The following CFAP47 variants were observed in gnomAD, a reference collection of about 807,000 sequenced individuals.
CFAP47 encodes cilia- and flagella-associated protein 47.
CFAP47 carries 29 observed loss-of-function variants against 148.1 expected under a neutral mutation model. That is an observed-to-expected ratio of 0.20 (90% CI 0.15 to 0.27). CFAP47 has a LOEUF of 0.27. CFAP47 is among the 10% of genes least tolerant of loss of function. The pLI is 1.00. For synonymous variants in CFAP47, 664 were observed against 577.3 expected (o/e 1.15, Z -2.15); for missense variants, 1,872 against 1,697.5 (o/e 1.10, Z -1.81).
intron 33 of CFAP47, among the ~76,000 whole-genome samples, chrX:36,133,467 C>T (rs1282749167): frequency 4.5e-5 from 5 of 110,335 alleles, no homozygotes; most frequent in African/African-American, 1.6e-4. Context: ...TTATAGTAGG[C>T]ATCCCATAGC....
intron 22 of CFAP47, among the ~76,000 whole-genome samples, chrX:36,015,403 A>G (rs1601931972): frequency 1.8e-5 from 2 of 111,142 alleles, no homozygotes; most frequent in East Asian, 5.6e-4. Flanking sequence ...AAAGATAAAA[A>G]CTGATGTACT....
rs1941878686 is a variant in CFAP47, at chrX:36,366,549, A to G, written c.9024-417A>G. Among the ~76,000 whole-genome samples the G allele has an allele frequency of 2.7e-5, 3 of 111,784 alleles. No homozygotes were observed. In the Admixed American group the frequency reaches 2.9e-4, roughly 11 times the overall value. Reference sequence around the variant, plus strand: ...AAACGAGTTGAAAATACTTTCGCATAATGTTTCATTTTTGAAAAAAATCCC... The same window carrying G: ...AAACGAGTTGAAAATACTTTCGCATGATGTTTCATTTTTGAAAAAAATCCC... On this transcript the variant is annotated intron_variant, in intron 61 of 63. Transcript: ENST00000378653.
At chrX:36,262,072 AT>A (rs1251603134) in intron 49 of CFAP47, among the ~76,000 whole-genome samples, 1 of 111,707 alleles carries the variant, frequency 9.0e-6, no homozygotes, top group South Asian at 3.7e-4. Context: ...TTTCTTTTAA[AT>A]TTTTTTATTT....
rs750139860 is a variant in CFAP47, at chrX:36,071,948, C to T, written c.4442C>T (p.Pro1481Leu). 23 of 1,202,435 alleles carry T rather than the reference C, an allele frequency of 1.9e-5. No individual in the cohort carries two copies. The highest frequency in any genetic ancestry group is 2.5e-5 in the Non-Finnish European group (22 of 891,761). ...ACTAGCAAATTCAATGATGCTGAAC[C>T]TGCAAAGGGAAACTTATTTATTGGT... ...YTTSKFNDAE[P>L]AKGNLFIGVE... The change falls in exon 28 of 64, where the codon CCT (proline) becomes CTT (leucine). Residue 1481 changes from proline to leucine, a missense_variant. Coordinates refer to ENST00000378653, the MANE Select transcript of CFAP47 (RefSeq NM_001304548.2).
At chrX:36,166,844 G>T (rs2146854080) in intron 39 of CFAP47, among the ~76,000 whole-genome samples, 1 of 111,281 alleles carries the variant, frequency 9.0e-6, no homozygotes, top group African/African-American at 3.3e-5. Flanking sequence ...TAGTGTTAAG[G>T]CTCTGATGTT....
At chrX:35,938,803 T>A (rs1426845779) in intron 2 of CFAP47, among the ~76,000 whole-genome samples, 1 of 111,980 alleles carries the variant, frequency 8.9e-6, no homozygotes, top group East Asian at 2.8e-4. Context: ...TTTAACAATG[T>A]GTCAGCTACG....
At chrX:36,328,842 C>T (rs1941541290) in intron 57 of CFAP47, among the ~76,000 whole-genome samples, 1 of 101,118 alleles carries the variant, frequency 9.9e-6, no homozygotes, top group East Asian at 3.2e-4. Context: ...AAAAGAAAAG[C>T]AAAATTGGAA....
chrX:36,199,208 C>T (rs1939950394), intron 42 of CFAP47, among the ~76,000 whole-genome samples: 2 of 111,603 alleles, frequency 1.8e-5, no homozygotes, highest in South Asian at 7.4e-4. Flanking sequence ...GAGACTCCCT[C>T]TCTCCTTTTC....
At chrX:36,045,811 A>G (rs1280163828) in intron 25 of CFAP47, among the ~76,000 whole-genome samples, 1 of 111,975 alleles carries the variant, frequency 8.9e-6, no homozygotes, top group Non-Finnish European at 1.9e-5. Flanking sequence ...ATTAATGTAT[A>G]AAGGTATCAA....
At chrX:36,342,519 A>G (rs1373765637) in intron 57 of CFAP47, among the ~76,000 whole-genome samples, 1 of 112,147 alleles carries the variant, frequency 8.9e-6, no homozygotes, top group African/African-American at 3.2e-5. Context: ...ATGAAGTGAC[A>G]GAAAGACCAA....
At chrX:36,078,933 T>G (rs1245013556) in intron 29 of CFAP47, among the ~76,000 whole-genome samples, 1 of 111,224 alleles carries the variant, frequency 9.0e-6, no homozygotes, top group Non-Finnish European at 1.9e-5. Flanking sequence ...CCTTCACTTA[T>G]GAAGCTTAGT....
chrX:36,239,034 T>C (rs1186154202), intron 48 of CFAP47, among the ~76,000 whole-genome samples: 5 of 112,404 alleles, frequency 4.4e-5, no homozygotes, highest in Non-Finnish European at 9.4e-5. Flanking sequence ...AGCTTTTTAA[T>C]ATACATTTCA....
intron 1 of CFAP47, among the ~76,000 whole-genome samples, chrX:35,924,029 ATGCACATATATG>A (rs1569201033): frequency 1.1e-5 from 1 of 94,718 alleles, no homozygotes; most frequent in African/African-American, 4.6e-5. Context: ...GCACATATAT[ATGCACATATATG>A]TGTATATGTA....
At chrX:36,239,004 G>C (rs1410920158) in intron 48 of CFAP47, among the ~76,000 whole-genome samples, 1 of 111,979 alleles carries the variant, frequency 8.9e-6, no homozygotes, top group East Asian at 2.8e-4. Context: ...CTATTTTTAT[G>C]ATGCTTTGTA....
intron 33 of CFAP47, among the ~76,000 whole-genome samples, chrX:36,115,536 G>A (rs191734112): frequency 1.5e-3 from 165 of 111,664 alleles, no homozygotes; most frequent in African/African-American, 5.2e-3. Flanking sequence ...GACATAATAT[G>A]TACTATGCTA....
chrX:36,261,317 ATTCTTTTTTTT>A (rs1940816950), intron 49 of CFAP47, among the ~76,000 whole-genome samples: 1 of 26,332 alleles, frequency 3.8e-5, no homozygotes, highest in Non-Finnish European at 6.1e-5. Context: ...GTTAGATACT[ATTCTTTTTTTT>A]TTTTTTTTTT....
chrX:36,170,904 G>T (rs1217925926), intron 39 of CFAP47, among the ~76,000 whole-genome samples: 13 of 107,545 alleles, frequency 1.2e-4, no homozygotes, highest in African/African-American at 3.4e-4. Context: ...CTAGTTTACA[G>T]TCCCACCAAC....
intron 42 of CFAP47, among the ~76,000 whole-genome samples, chrX:36,195,147 T>C (rs1939906660): frequency 8.9e-6 from 1 of 112,958 alleles, no homozygotes; most frequent in South Asian, 3.6e-4. Flanking sequence ...CGCTAATTTC[T>C]ATAAAACAGT....
intron 56 of CFAP47, among the ~76,000 whole-genome samples, chrX:36,313,244 G>C (rs1362216540): frequency 2.7e-5 from 3 of 111,447 alleles, no homozygotes; most frequent in African/African-American, 9.8e-5. Context: ...AAGGAAAGAG[G>C]TTTAATTGAC....
Sources: gnomAD v4.1 joint callset for allele counts (sites outside exome capture counted in the v4.1 genomes callset) on GRCh38, gnomAD v4.1.1 for gene constraint, MANE v1.5 for transcripts, NCBI Gene and HGNC (gene_info 2026-07-23, HGNC 2026-07-21) for gene names.